SAMSN1: variants seen among roughly 807,000 people sequenced by gnomAD.
SAMSN1 encodes SAM domain-containing protein SAMSN-1.
SAMSN1 carries 31 observed loss-of-function variants against 42.0 expected under a neutral mutation model. That is an observed-to-expected ratio of 0.74 (90% CI 0.55 to 1.00). The LOEUF is 1.00. SAMSN1 is among the 50% of genes least tolerant of loss of function. The probability of loss-of-function intolerance (pLI) is 0.00; values close to 1 mark genes in which losing one functional copy is unlikely to be tolerated. For synonymous variants in SAMSN1, 178 were observed against 151.9 expected (o/e 1.17, Z -1.26); for missense variants, 464 against 439.4 (o/e 1.06, Z -0.50).
At chr21:14,561,964 C>T (rs888989874) in intron 2 of SAMSN1, among the ~76,000 whole-genome samples, 16 of 151,820 alleles carry the variant, frequency 1.1e-4, no homozygotes, top group Non-Finnish European at 1.5e-5. Flanking sequence ...AAGAGCATGG[C>T]CCTGCCAATA....
chr21:14,521,696 C>G (rs575812780), intron 1 of SAMSN1, among the ~76,000 whole-genome samples: 3 of 151,946 alleles, frequency 2.0e-5, no homozygotes, highest in African/African-American at 7.3e-5. Flanking sequence ...TTTGTTCACA[C>G]GCTGGGGCCT....
intron 7 of SAMSN1, among the ~76,000 whole-genome samples, chr21:14,493,897 G>C (rs1408603413): frequency 1.3e-5 from 2 of 152,104 alleles, no homozygotes; most frequent in Non-Finnish European, 2.9e-5. Flanking sequence ...CAGAACCCCA[G>C]GGTGGTTATC....
intron 1 of SAMSN1, among the ~76,000 whole-genome samples, chr21:14,527,370 G>C (rs1373346033): frequency 6.6e-6 from 1 of 152,150 alleles, no homozygotes; most frequent in African/African-American, 2.4e-5. Context: ...AGTGTCACGT[G>C]GTACCAGTGG....
At chr21:14,591,393 C>T (rs1372549370) in intron 7 of SAMSN1, 1 of 152,110 alleles carries the variant, frequency 6.6e-6, no homozygotes, top group East Asian at 1.9e-4. Context: ...TTGTGTCTGC[C>T]TGTGATGCAC....
At chr21:14,657,489 G>A (rs994397119) in intron 1 of SAMSN1, among the ~76,000 whole-genome samples, 13 of 151,738 alleles carry the variant, frequency 8.6e-5, no homozygotes, top group Admixed American at 2.6e-4. Context: ...CATTACAAAC[G>A]TATGTCACGC....
intron 3 of SAMSN1, among the ~76,000 whole-genome samples, chr21:14,614,448 C>G (rs1490406830): frequency 6.6e-6 from 1 of 152,204 alleles, no homozygotes; most frequent in East Asian, 1.9e-4. Context: ...ACTATGCTGA[C>G]TTGACTGCTA....
At chr21:14,524,454 T>C (rs1215854357) in intron 1 of SAMSN1, among the ~76,000 whole-genome samples, 1 of 152,174 alleles carries the variant, frequency 6.6e-6, no homozygotes, top group Non-Finnish European at 1.5e-5. Flanking sequence ...CTTTAGATCA[T>C]ATTTAGTCTT....
intron 2 of SAMSN1, among the ~76,000 whole-genome samples, chr21:14,637,421 T>G (rs1366433034): frequency 6.6e-6 from 1 of 152,244 alleles, no homozygotes; most frequent in African/African-American, 2.4e-5. Context: ...TAATTTAACC[T>G]GTCTCTCTTT....
At chr21:14,529,460 T>A (rs1382813148) in intron 1 of SAMSN1, among the ~76,000 whole-genome samples, 1 of 152,232 alleles carries the variant, frequency 6.6e-6, no homozygotes, top group African/African-American at 2.4e-5. Context: ...AACTTAATCA[T>A]GTTGCAACTA....
At chr21:14,611,909 G>A (rs114157434) in intron 4 of SAMSN1, among the ~76,000 whole-genome samples, 1,559 of 152,172 alleles carry the variant, frequency 0.01, 33 homozygotes, top group African/African-American at 0.036. Flanking sequence ...AAAGGGAAAA[G>A]GGTACCCATA....
intron 5 of SAMSN1, among the ~76,000 whole-genome samples, chr21:14,605,277 C>G (rs1982536664): frequency 6.6e-6 from 1 of 152,218 alleles, no homozygotes. Flanking sequence ...TCTAAGTGGT[C>G]TCATCGTTGA....
intron 2 of SAMSN1, among the ~76,000 whole-genome samples, chr21:14,575,042 T>C (rs1335281880): frequency 2.0e-5 from 3 of 152,276 alleles, no homozygotes; most frequent in East Asian, 3.9e-4. Flanking sequence ...TAAGATCACG[T>C]AAACTCTCTT....
intron 1 of SAMSN1, among the ~76,000 whole-genome samples, chr21:14,648,570 C>G (rs1436511237): frequency 6.6e-6 from 1 of 152,074 alleles, no homozygotes; most frequent in Non-Finnish European, 1.5e-5. Context: ...AACAAATTTA[C>G]AAGAATAAAA....
chr21:14,648,840 A>C (rs1260079825), intron 1 of SAMSN1, among the ~76,000 whole-genome samples: 1 of 152,076 alleles, frequency 6.6e-6, no homozygotes, highest in African/African-American at 2.4e-5. Context: ...AACTAGTTCA[A>C]CCATTGTGGA....
chr21:14,506,042 A>G lies in SAMSN1; in HGVS notation c.561+4268T>C, dbSNP rs367569638. ...TGAACTGAACAACAATAGTGACATGACCTATGACAACCTCTGGGACACAGC... is the reference window on the plus strand; with the variant it reads ...TGAACTGAACAACAATAGTGACATGGCCTATGACAACCTCTGGGACACAGC... On this transcript the variant is annotated intron_variant, in intron 5 of 7. Transcript: ENST00000400566. Among the ~76,000 whole-genome samples, 7 of 152,252 alleles carry G rather than the reference A, an allele frequency of 4.6e-5. No homozygotes were observed. The East Asian group carries it at 7.7e-4, about 17-fold the overall frequency.
At chr21:14,570,588 G>A (rs1020354517) in intron 2 of SAMSN1, among the ~76,000 whole-genome samples, 1 of 152,152 alleles carries the variant, frequency 6.6e-6, no homozygotes, top group Non-Finnish European at 1.5e-5. Flanking sequence ...TTTTCGGTTG[G>A]CATCACAAGA....
At chr21:14,650,399 C>T (rs1009330198) in intron 1 of SAMSN1, among the ~76,000 whole-genome samples, 7 of 151,916 alleles carry the variant, frequency 4.6e-5, no homozygotes, top group Non-Finnish European at 1.0e-4. Flanking sequence ...GGAAACTATA[C>T]AACATGGAAA....
chr21:14,627,007 C>G (rs559501737), intron 2 of SAMSN1, among the ~76,000 whole-genome samples: 26 of 152,224 alleles, frequency 1.7e-4, no homozygotes, highest in African/African-American at 5.8e-4. Flanking sequence ...AACCATCATT[C>G]TCAGCTAACT....
intron 2 of SAMSN1, among the ~76,000 whole-genome samples, chr21:14,624,498 C>A (rs976022879): frequency 6.6e-6 from 1 of 152,160 alleles, no homozygotes; most frequent in African/African-American, 2.4e-5. Context: ...ACTATAAACA[C>A]CTCTACGCAA....
Sources: allele counts gnomAD v4.1 joint callset (sites outside exome capture counted in the v4.1 genomes callset), GRCh38; gene constraint gnomAD v4.1.1; transcripts MANE v1.5; gene names NCBI Gene and HGNC (gene_info 2026-07-23, HGNC 2026-07-21).